CUBN: variants seen among roughly 807,000 people sequenced by gnomAD.
CUBN encodes 460 kDa receptor.
A neutral mutation model predicts 405.3 loss-of-function variants in CUBN; 282 were observed. The observed-to-expected ratio is 0.70, with a 90% confidence interval of 0.63 to 0.77. The LOEUF is 0.77. Among genes scored for constraint, CUBN ranks in the 30% least tolerant of loss-of-function variants. CUBN has a pLI of 0.00. For synonymous variants in CUBN, 1,684 were observed against 1,617.0 expected, an observed-to-expected ratio of 1.04 and a Z score of -0.99; for missense variants, 4,514 against 4,475.2, an observed-to-expected ratio of 1.01 and a Z score of -0.25.
At chr10:16,833,354 T>A (rs1839066303) in intron 64 of CUBN, among the ~76,000 whole-genome samples, 1 of 152,224 alleles carries the variant, frequency 6.6e-6, no homozygotes, top group Non-Finnish European at 1.5e-5. Context: ...GCTATATACA[T>A]CTTTCGGTCT....
At chr10:16,862,036 C>T (rs1474309806) in intron 59 of CUBN, among the ~76,000 whole-genome samples, 2 of 152,044 alleles carry the variant, frequency 1.3e-5, no homozygotes, top group African/African-American at 4.8e-5. Context: ...GTAATCCCAG[C>T]TACTCAAGGG....
At chr10:17,110,209 G>A (rs1038259920) in intron 9 of CUBN, among the ~76,000 whole-genome samples, 8 of 152,300 alleles carry the variant, frequency 5.3e-5, no homozygotes, top group African/African-American at 1.7e-4. Context: ...GAAAAGGAGG[G>A]AAACCAACAA....
chr10:17,023,765 C>T (rs895763586), intron 27 of CUBN: 26 of 340,214 alleles, frequency 7.6e-5, no homozygotes, highest in Non-Finnish European at 1.1e-4. Context: ...AGAAAGATTG[C>T]GATTCTCACC....
chr10:16,938,855 A>G lies in CUBN; in HGVS notation c.5733+108T>C. 4 of 959,616 alleles carry G rather than the reference A, an allele frequency of 4.2e-6. No homozygotes were observed. The South Asian group carries it at 5.3e-5, about 13-fold the overall frequency. The allele number at this position is 959,616 out of a possible 1,614,324, so 59.4% of individuals were successfully genotyped here. ...CTGCTCTAAACATGATTTAGAGCAG[A>G]CTATCCCACATGATTTGCAAATGCT... On this transcript the variant is annotated intron_variant, in intron 38 of 66. Transcript: ENST00000377833.
At chr10:17,123,564 T>G (rs760245753) in intron 5 of CUBN, 24 bp downstream of exon 5, 1 of 1,549,448 alleles carries the variant, frequency 6.5e-7, no homozygotes, top group Non-Finnish European at 8.9e-7. Context: ...GCCATCATTC[T>G]TAACCAAAGA....
At position 17,068,657 on chromosome 10, in the gene CUBN, A is replaced by G. The variant is rs770246937; in HGVS notation, c.2739T>C (p.Ser913=). ...YNFLYVTFVK[S]SSTENHGFMA... is the part of the protein sequence containing the mutation. ...TGAAACCATGGTTTTCAGTAGAAGAACTTTTCACGAATGTGACATAAAGAA... is the reference window on the plus strand; with the variant it reads ...TGAAACCATGGTTTTCAGTAGAAGAGCTTTTCACGAATGTGACATAAAGAA... Residue 913 remains serine (S), a synonymous_variant, in exon 20 of 67, where the codon AGT becomes AGC. Transcript: ENST00000377833. 1 of 1,613,400 alleles carries G rather than the reference A, an allele frequency of 6.2e-7. No individual in the cohort carries two copies. The highest frequency in any genetic ancestry group is 1.1e-5 in the South Asian group (1 of 91,062).
chr10:16,927,254 G>C (rs531235044), intron 41 of CUBN, among the ~76,000 whole-genome samples: 1 of 152,138 alleles, frequency 6.6e-6, no homozygotes, highest in Admixed American at 6.5e-5. Context: ...AAAGGAAGAG[G>C]ATAAAAGGAG....
At position 16,925,637 on chromosome 10, in the gene CUBN, G is replaced by C. The variant is rs535733410; in HGVS notation, c.6409C>G (p.Pro2137Ala). The change falls in exon 42 of 67, where the codon CCT (proline) becomes GCT (alanine). Residue 2137 changes from proline (P) to alanine (A), a missense_variant. This residue lies in a region of CUBN where 1,613 missense variants were observed against 1,542.8 expected (regional missense o/e 1.05). Transcript: ENST00000377833. ...GAATCTCCATTTGGAATCTGGAAAG[G>C]CTGTTCAAAATGGACAGCAATGGTC... is the stretch of plus-strand genomic sequence containing the variant. The part of the protein sequence containing the change: ...GLTIAVHFEQ[P>A]FQIPNGDSSC... The C allele has an allele frequency of 4.3e-6, 7 of 1,614,048 alleles. No individual in the cohort carries two copies. The East Asian group carries it at 1.3e-4, about 31-fold the overall frequency.
intron 17 of CUBN, among the ~76,000 whole-genome samples, chr10:17,078,409 A>T (rs980772844): frequency 6.6e-6 from 1 of 152,140 alleles, no homozygotes; most frequent in Admixed American, 6.5e-5. Flanking sequence ...TCATCTGCAG[A>T]TCCTACATAC....
At chr10:17,019,763 G>T in intron 28 of CUBN, 70 bp downstream of exon 28, 1 of 1,586,948 alleles carries the variant, frequency 6.3e-7, no homozygotes, top group Non-Finnish European at 8.7e-7. Flanking sequence ...TCTAAGTTTG[G>T]AACTGAAAAA....
At chr10:17,036,474 G>A (rs985182122) in intron 27 of CUBN, among the ~76,000 whole-genome samples, 1 of 152,128 alleles carries the variant, frequency 6.6e-6, no homozygotes, top group East Asian at 1.9e-4. Flanking sequence ...TCCTGTGTGT[G>A]GGGAGGTGTG....
intron 43 of CUBN, among the ~76,000 whole-genome samples, chr10:16,923,696 G>A (rs780314741): frequency 2.0e-5 from 3 of 152,180 alleles, no homozygotes; most frequent in Non-Finnish European, 4.4e-5. Flanking sequence ...AATAGAAGAG[G>A]TGCAATGTCA....
At chr10:16,828,701 G>A (rs1250778441) in intron 66 of CUBN, 104 bp downstream of exon 66, 9 of 910,390 alleles carry the variant, frequency 9.9e-6, no homozygotes, top group Non-Finnish European at 1.6e-5. Flanking sequence ...CAGCCTGGGT[G>A]ACAAGAGCGA....
At chr10:16,975,970 CTTT>C (rs536882786) in intron 31 of CUBN, among the ~76,000 whole-genome samples, 3 of 131,920 alleles carry the variant, frequency 2.3e-5, no homozygotes, top group Admixed American at 7.7e-5. Flanking sequence ...ACCTTTATTC[CTTT>C]TTTTTTTTTT....
chr10:17,028,580 G>T (rs1322921481), intron 27 of CUBN, among the ~76,000 whole-genome samples: 2 of 151,832 alleles, frequency 1.3e-5, no homozygotes, highest in Non-Finnish European at 2.9e-5. Flanking sequence ...AATTCGCCAG[G>T]CGTGGTGGTG....
Position 17,123,627 on chromosome 10 carries a change from C to G in CUBN, c.450G>C (p.Leu150=). Residue 150 remains leucine, a synonymous_variant, in exon 5 of 67, where the codon CTG becomes CTC. Coordinates refer to ENST00000377833, the MANE Select transcript of CUBN (RefSeq NM_001081.4). ...PCQNGGTCLN[L]HDSFFCICPP... ...GACAGATACAAAAAAAGGAATCATG[C>G]AGATTGAGGCAGGTTCCACCATTCT... 1 of 1,613,984 alleles carries G rather than the reference C, an allele frequency of 6.2e-7. No individual in the cohort carries two copies. The highest frequency in any genetic ancestry group is 8.5e-7 in the Non-Finnish European group (1 of 1,179,944).
At position 17,045,967 on chromosome 10, in the gene CUBN, C is replaced by T. The variant is rs757293081; in HGVS notation, c.3457G>A (p.Gly1153Arg). Reference sequence around the variant, plus strand: ...GACCCATCCCAGTAAGCTGAGAATCCAGACCTTGTGTCTATTTGGTCACTC... The same window carrying T: ...GACCCATCCCAGTAAGCTGAGAATCTAGACCTTGTGTCTATTTGGTCACTC... ...FKSDQIDTRS[G>R]FSAYWDGSST... is the part of the protein sequence containing the mutation. The change falls in exon 24 of 67, where the codon GGA becomes AGA. Residue 1153 changes from glycine (G) to arginine (R), a missense_variant. Coordinates refer to ENST00000377833, the MANE Select transcript of CUBN (RefSeq NM_001081.4). 3 of 1,613,940 alleles carry T rather than the reference C, an allele frequency of 1.9e-6. No individual in the cohort carries two copies. The highest frequency in any genetic ancestry group is 1.1e-5 in the South Asian group (1 of 91,072).
At chr10:17,050,404 G>A (rs1411024026) in intron 22 of CUBN, among the ~76,000 whole-genome samples, 4 of 152,198 alleles carry the variant, frequency 2.6e-5, no homozygotes, top group Admixed American at 1.3e-4. Context: ...TGAAGTCCAA[G>A]TAGTGAATGA....
intron 19 of CUBN, among the ~76,000 whole-genome samples, chr10:17,069,492 C>T (rs1450770398): frequency 6.6e-6 from 1 of 152,122 alleles, no homozygotes; most frequent in Non-Finnish European, 1.5e-5. Flanking sequence ...TTGTCCACAC[C>T]ATTATCTGAC....
Sources: gnomAD v4.1 joint callset for allele counts (sites outside exome capture counted in the v4.1 genomes callset) on GRCh38, gnomAD v4.1.1 for gene constraint, gnomAD v4.1.1 regional missense constraint, MANE v1.5 for transcripts, NCBI Gene and HGNC (gene_info 2026-07-23, HGNC 2026-07-21) for gene names.